Variants in FANCA observed in about 807,000 individuals in gnomAD.
FANCA encodes Fanconi anemia group A protein.
FANCA carries 236 observed loss-of-function variants against 194.3 expected under a neutral mutation model. That is an observed-to-expected ratio of 1.21 (90% CI 1.09 to 1.35). The LOEUF (loss-of-function observed/expected upper bound fraction) is 1.35. FANCA is among the 40% of genes most tolerant of loss of function. The pLI is 0.00. For synonymous variants in FANCA, 1,014 were observed against 715.8 expected (o/e 1.42, Z -6.65); for missense variants, 2,628 against 1,813.9 (o/e 1.45, Z -8.15).
At chr16:89,805,422 G>A (rs2040604698) in intron 6 of FANCA, 30 bp from the exon 7 acceptor site, 1 of 1,552,546 alleles carries the variant, frequency 6.4e-7, no homozygotes, top group Non-Finnish European at 8.9e-7. Context: ...CAGACGTAAG[G>A]CTCAACTAAA....
intron 11 of FANCA, among the ~76,000 whole-genome samples, chr16:89,793,513 A>G (rs559611273): frequency 2.0e-4 from 30 of 152,334 alleles, no homozygotes; most frequent in Non-Finnish European, 3.5e-4. Flanking sequence ...TATATCTGGT[A>G]TAACTATTCT....
intron 37 of FANCA, among the ~76,000 whole-genome samples, chr16:89,741,454 T>G (rs1241795064): frequency 6.6e-6 from 1 of 152,238 alleles, no homozygotes; most frequent in African/African-American, 2.4e-5. Context: ...TGTGCTGACA[T>G]GGCACCTATG....
chr16:89,811,200 A>G, intron 3 of FANCA, 129 bp from the exon 4 acceptor site: 1 of 1,104,798 alleles, frequency 9.1e-7, no homozygotes, highest in Non-Finnish European at 1.3e-6. Context: ...AACGGGGAGA[A>G]TAGATGCAAA....
Position 89,746,667 on chromosome 16 carries a change from G to A in FANCA, c.3430C>T (p.Arg1144Trp), listed in dbSNP as rs143671872. 1,271 of 1,614,000 alleles carry A rather than the reference G, an allele frequency of 7.9e-4. 2 individuals carry two copies. The highest frequency in any genetic ancestry group is 1.0e-3 in the Non-Finnish European group (1,176 of 1,180,020). Reference protein sequence around the residue: ...FFRGLLNACLRSRDPSLMVDF... With the variant: ...FFRGLLNACLWSRDPSLMVDF... The stretch of plus-strand genomic sequence containing the variant: ...ACCATCAGGGAGGGGTCTCTGCTCC[G>A]CAGACAGGCGTTCAGGAGGCCCTGC... Residue 1144 changes from arginine to tryptophan, a missense_variant, in exon 35 of 43, where the codon CGG becomes TGG. By Grantham distance (101) the Arg-to-Trp change is moderately radical (BLOSUM62 -3). Coordinates refer to ENST00000389301, the MANE Select transcript of FANCA (RefSeq NM_000135.4).
At chr16:89,765,316 C>T (rs1464154177) in intron 27 of FANCA, among the ~76,000 whole-genome samples, 2 of 148,918 alleles carry the variant, frequency 1.3e-5, no homozygotes, top group Non-Finnish European at 3.0e-5. Flanking sequence ...TGGGAGGGCA[C>T]AACACACAAC....
rs1312574365 is a variant in FANCA at position 89,809,850 on chromosome 16, T to C, written c.522+857A>G. Among the ~76,000 whole-genome samples, 7 of 133,024 alleles carry C rather than the reference T, an allele frequency of 5.3e-5. No homozygotes were observed. In the East Asian group the frequency reaches 1.4e-3, roughly 26 times the overall value. The allele number at this position is 133,024 out of a possible 152,430, so 87.3% of individuals were successfully genotyped here. On this transcript the variant is annotated intron_variant, in intron 5 of 42. Coordinates refer to ENST00000389301, the MANE Select transcript of FANCA (RefSeq NM_000135.4). Reference sequence around the variant, plus strand: ...CCTGGGCAACAAGAGCAAAACTCCATCTCAAAAAAAAAAAAAGATACAAAA... The same window carrying C: ...CCTGGGCAACAAGAGCAAAACTCCACCTCAAAAAAAAAAAAAGATACAAAA...
At chr16:89,768,617 C>G (rs1183307718) in intron 26 of FANCA, among the ~76,000 whole-genome samples, 1 of 152,076 alleles carries the variant, frequency 6.6e-6, no homozygotes, top group Non-Finnish European at 1.5e-5. Flanking sequence ...GATCACGCTA[C>G]TGCACTCCAG....
intron 14 of FANCA, 107 bp downstream of exon 14, chr16:89,791,296 A>G (rs2040068056): frequency 6.9e-7 from 1 of 1,454,288 alleles, no homozygotes; most frequent in Non-Finnish European, 9.4e-7. Flanking sequence ...GCTGACAGCA[A>G]GGTTGCTCAC....
chr16:89,763,932 A>C (rs2143279306), intron 28 of FANCA, among the ~76,000 whole-genome samples: 1 of 138,730 alleles, frequency 7.2e-6, no homozygotes, highest in Middle Eastern at 3.9e-3. Flanking sequence ...AAAAAAAAAC[A>C]AAACAACAAC....
chr16:89,739,920 G>C lies in FANCA; in HGVS notation c.3934+74C>G, dbSNP rs56216970. ...TAGCAAGGAACCTCAAGGAGGGCTC[G>C]TTCTTAACCATTTGCAAGATGCCTC... On this transcript the variant is annotated intron_variant, in intron 39 of 42. Coordinates refer to ENST00000389301, the MANE Select transcript of FANCA (RefSeq NM_000135.4). The C allele has an allele frequency of 8.3e-5, 133 of 1,600,680 alleles. No homozygotes were observed. In the African/African-American group the frequency reaches 9.5e-4, roughly 11 times the overall value.
At position 89,738,852 on chromosome 16, in the gene FANCA, C is replaced by T. The variant is rs747975371; in HGVS notation, c.4260+30G>A. The T allele has an allele frequency of 3.2e-5, 51 of 1,614,110 alleles. 1 individual carries two copies. The highest frequency in any genetic ancestry group is 1.5e-4 in the South Asian group (14 of 91,096). On this transcript the variant is annotated intron_variant, in intron 42 of 42. Coordinates refer to ENST00000389301, the MANE Select transcript of FANCA (RefSeq NM_000135.4). ...CAGCTGTCAATTCTCATGTCCCCCA[C>T]ATGGCCCAAGGTGGGCATCTTGACG...
intron 17 of FANCA, 95 bp from the exon 18 acceptor site, chr16:89,780,052 G>T: frequency 1.8e-6 from 2 of 1,107,072 alleles, no homozygotes; most frequent in Non-Finnish European, 1.4e-6. Context: ...CTTCCTTGTT[G>T]AAAGGCTCTG....
intron 38 of FANCA, 27 bp downstream of exon 38, chr16:89,740,777 C>T (rs2151716609): frequency 6.2e-7 from 1 of 1,608,180 alleles, no homozygotes; most frequent in Non-Finnish European, 8.5e-7. Flanking sequence ...TGGGAGAGGA[C>T]ACCTTGGCTG....
chr16:89,812,145 C>G (rs2040908975), intron 3 of FANCA, among the ~76,000 whole-genome samples: 1 of 148,352 alleles, frequency 6.7e-6, no homozygotes. Flanking sequence ...ACCATCCTGG[C>G]TAACACGGTG....
chr16:89,791,212 G>A (rs146390709), intron 14 of FANCA, 191 bp downstream of exon 14: 156 of 713,574 alleles, frequency 2.2e-4, no homozygotes, highest in African/African-American at 2.1e-3. Context: ...AGGAAGATCC[G>A]CTGAGGCCCC....
chr16:89,784,804 G>T, intron 15 of FANCA, 50 bp downstream of exon 15: 1 of 1,410,946 alleles, frequency 7.1e-7, no homozygotes, highest in Non-Finnish European at 1.0e-6. Context: ...CTCAGATGCA[G>T]CAGGTGAGCG....
chr16:89,764,395 C>T (rs185264921), intron 28 of FANCA, among the ~76,000 whole-genome samples: 18 of 152,238 alleles, frequency 1.2e-4, no homozygotes, highest in Middle Eastern at 6.8e-3. Context: ...ACCTCCACCT[C>T]CTGGGCTCAA....
At chr16:89,805,464 T>C (rs529454477) in intron 6 of FANCA, 72 bp from the exon 7 acceptor site, 101 of 1,268,166 alleles carry the variant, frequency 8.0e-5, no homozygotes, top group Non-Finnish European at 1.1e-4. Flanking sequence ...TTGAGCCATA[T>C]GTCCCAATTT....
At chr16:89,807,998 T>C (rs918035247) in intron 6 of FANCA, among the ~76,000 whole-genome samples, 3 of 151,802 alleles carry the variant, frequency 2.0e-5, no homozygotes, top group East Asian at 1.9e-4. Flanking sequence ...GTGGAGGTTG[T>C]AGTGAGCTGA....
Sources: gnomAD v4.1 joint callset for allele counts (sites outside exome capture counted in the v4.1 genomes callset) on GRCh38, gnomAD v4.1.1 for gene constraint, MANE v1.5 for transcripts, NCBI Gene and HGNC (gene_info 2026-07-23, HGNC 2026-07-21) for gene names.